Variants in PPP1R14C observed in about 807,000 individuals in gnomAD.
PPP1R14C encodes protein phosphatase 1 regulatory inhibitor subunit 14C.
In PPP1R14C, 16 loss-of-function variants were observed where a neutral mutation model predicts 20.4. The ratio of observed to expected loss-of-function variants is 0.78; its 90% CI spans 0.53 to 1.19. The LOEUF is 1.19. Among genes scored for constraint, PPP1R14C ranks in the 50% most tolerant of loss-of-function variants. PPP1R14C has a pLI of 0.00. For missense variants in PPP1R14C, 211 were observed against 220.1 expected (o/e 0.96, Z 0.26); for synonymous variants, 91 against 91.0 (o/e 1.00, Z 0.00).
chr6:150,174,516 G>A (rs1055768666), intron 1 of PPP1R14C, among the ~76,000 whole-genome samples: 1 of 151,600 alleles, frequency 6.6e-6, no homozygotes, highest in Non-Finnish European at 1.5e-5. Context: ...ACGCCTGGCC[G>A]TGTGTGCATT....
At position 150,216,853 on chromosome 6, in the gene PPP1R14C, A is replaced by C. The variant is rs142300425; in HGVS notation, c.420A>C (p.Thr140=). 86 of 1,602,942 alleles carry C rather than the reference A, an allele frequency of 5.4e-5. No individual in the cohort carries two copies. In the African/African-American group the frequency reaches 1.1e-3, roughly 21 times the overall value. Residue 140 remains threonine, a synonymous_variant, in exon 3 of 4, where the codon ACA becomes ACC. Coordinates refer to ENST00000361131, the MANE Select transcript of PPP1R14C (RefSeq NM_030949.3). The part of the protein sequence containing the change: ...QEALVDCYKP[T]EEFIKELLSR... ...CTCTTGTAGACTGCTACAAACCAAC[A>C]GAGGTAAGCAAATCACTTTTCCTAA...
intron 1 of PPP1R14C, among the ~76,000 whole-genome samples, chr6:150,167,976 T>A: frequency 6.9e-6 from 1 of 144,688 alleles, no homozygotes; most frequent in Admixed American, 6.9e-5. Flanking sequence ...CTTTCTCTCC[T>A]TCTCTCCTCC....
At chr6:150,146,945 C>T (rs748855958) in intron 1 of PPP1R14C, among the ~76,000 whole-genome samples, 14 of 152,174 alleles carry the variant, frequency 9.2e-5, no homozygotes, top group East Asian at 1.9e-4. Flanking sequence ...CTTTTGAATA[C>T]GTAGATAAGT....
At chr6:150,205,303 C>T (rs1055170287) in intron 1 of PPP1R14C, among the ~76,000 whole-genome samples, 1 of 152,162 alleles carries the variant, frequency 6.6e-6, no homozygotes, top group South Asian at 2.1e-4. Context: ...CTGGGACCAA[C>T]AGCCCCTGGG....
intron 3 of PPP1R14C, among the ~76,000 whole-genome samples, chr6:150,239,846 A>G (rs749529941): frequency 2.6e-5 from 4 of 152,216 alleles, no homozygotes; most frequent in African/African-American, 4.8e-5. Flanking sequence ...TGGGGTCAGG[A>G]GTTTAAGACC....
At chr6:150,156,897 T>C (rs986565191) in intron 1 of PPP1R14C, among the ~76,000 whole-genome samples, 3 of 152,238 alleles carry the variant, frequency 2.0e-5, no homozygotes, top group Non-Finnish European at 4.4e-5. Flanking sequence ...ATTTAGATAA[T>C]GAAAACTTGT....
In PPP1R14C at chr6:150,201,859, T is replaced by C. The variant is rs1214586946; in HGVS notation, c.307-12885T>C. ...TTGACAGTTATGGTGATGGATTGGA[T>C]GGTGGCGACAGGGAGAGGAGGGGTC... On this transcript the variant is annotated intron_variant, in intron 1 of 3. Transcript: ENST00000361131. This position sits in a 1 kb window ranked among gnomAD's most constrained non-coding sequence, Gnocchi z 4.2. 6.6e-6 allele frequency among the ~76,000 whole-genome samples: 1 copy of C among 152,106 alleles called. No homozygotes were observed. The highest frequency in any genetic ancestry group is 2.4e-5 in the African/African-American group (1 of 41,408).
chr6:150,165,754 CA>C (rs1777415401), intron 1 of PPP1R14C, among the ~76,000 whole-genome samples: 1 of 152,142 alleles, frequency 6.6e-6, no homozygotes, highest in African/African-American at 2.4e-5. Flanking sequence ...CCTAGATAAA[CA>C]GGCAACAGGC....
At chr6:150,150,086 T>C (rs914357353) in intron 1 of PPP1R14C, among the ~76,000 whole-genome samples, 4 of 152,240 alleles carry the variant, frequency 2.6e-5, no homozygotes, top group Non-Finnish European at 5.9e-5. Flanking sequence ...GGATCAATGT[T>C]CAGCAAATGT....
rs543562273 is a variant in PPP1R14C at position 150,154,234 on chromosome 6, G to A, written c.306+10736G>A. 2.6e-5 allele frequency among the ~76,000 whole-genome samples: 4 copies of A among 152,340 alleles called. No individual in the cohort carries two copies. In the East Asian group the frequency reaches 7.7e-4, roughly 29 times the overall value. ...ATAGGAAGTCAGATCTTAAGTAAGA[G>A]AAAGTAATCTCTTAAGGGCTGGGCT... On this transcript the variant is annotated intron_variant, in intron 1 of 3. Transcript: ENST00000361131.
chr6:150,173,216 A>G (rs952456924), intron 1 of PPP1R14C, among the ~76,000 whole-genome samples: 4 of 152,068 alleles, frequency 2.6e-5, no homozygotes, highest in Non-Finnish European at 4.4e-5. Flanking sequence ...TTTTCCACGA[A>G]TGCCCTGTCT....
chr6:150,222,216 C>CT lies in PPP1R14C; in HGVS notation c.423+5368dup, dbSNP rs200194343. ...CATCTCATGTATTAACAGATTTAAT[C>CT]TTTTTTTTCAGAAAAATCTTGACAT... is the stretch of plus-strand genomic sequence containing the variant. On this transcript the variant is annotated intron_variant, in intron 3 of 3. Transcript: ENST00000361131. Among the ~76,000 whole-genome samples the CT allele has an allele frequency of 2.1e-3, 283 of 133,696 alleles. 1 individual carries two copies. Among genetic ancestry groups the CT allele is most frequent in the African/African-American group, 7.5e-3 (226 of 30,040 alleles). 87.7% of individuals were successfully genotyped at this position (133,696 alleles called of 152,430 possible).
chr6:150,231,525 CT>C (rs1396111348), intron 3 of PPP1R14C, among the ~76,000 whole-genome samples: 5 of 152,212 alleles, frequency 3.3e-5, no homozygotes, highest in African/African-American at 1.2e-4. Flanking sequence ...TCTCCTCTCT[CT>C]TTTTCTTCAC....
chr6:150,216,994 T>A, intron 3 of PPP1R14C, 138 bp downstream of exon 3: 1 of 625,510 alleles, frequency 1.6e-6, no homozygotes, highest in Non-Finnish European at 2.8e-6. Context: ...TGAGTGCATA[T>A]GTTTGAATAG....
At chr6:150,243,130 G>T (rs1315500097) in intron 3 of PPP1R14C, among the ~76,000 whole-genome samples, 1 of 150,764 alleles carries the variant, frequency 6.6e-6, no homozygotes, top group South Asian at 2.1e-4. Flanking sequence ...GGCAATCTCA[G>T]TCAAAACCCC....
intron 1 of PPP1R14C, among the ~76,000 whole-genome samples, chr6:150,202,645 C>G (rs1238117075): frequency 6.6e-6 from 1 of 152,312 alleles, no homozygotes; most frequent in Middle Eastern, 3.4e-3. Context: ...TCCCACACAG[C>G]CTGGCCTGGT....
At chr6:150,174,100 AG>A (rs1777530631) in intron 1 of PPP1R14C, among the ~76,000 whole-genome samples, 1 of 144,270 alleles carries the variant, frequency 6.9e-6, no homozygotes, top group Admixed American at 7.3e-5. Context: ...ATGCTTTGAT[AG>A]GTGCATACGT....
rs141245925 is a variant in PPP1R14C at position 150,201,216 on chromosome 6, C to T, written c.307-13528C>T. 1.2e-3 allele frequency among the ~76,000 whole-genome samples: 186 copies of T among 152,300 alleles called. No homozygotes were observed. Among genetic ancestry groups the T allele is most frequent in the Non-Finnish European group, 2.3e-3 (156 of 68,030 alleles). On this transcript the variant is annotated intron_variant, in intron 1 of 3. Coordinates refer to ENST00000361131, the MANE Select transcript of PPP1R14C (RefSeq NM_030949.3). This position sits in a 1 kb window ranked among gnomAD's most constrained non-coding sequence, Gnocchi z 4.2. The stretch of plus-strand genomic sequence containing the variant: ...ATGATTATCGGGGTCATGTGTCAGG[C>T]GCTATCCCAGGCACTGCTCTTGGTC...
chr6:150,221,936 C>A (rs1778173180), intron 3 of PPP1R14C, among the ~76,000 whole-genome samples: 1 of 152,110 alleles, frequency 6.6e-6, no homozygotes, highest in African/African-American at 2.4e-5. Context: ...GTAGCTGAGA[C>A]AACAGGTACA....
Sources: allele counts gnomAD v4.1 joint callset (sites outside exome capture counted in the v4.1 genomes callset), GRCh38; gene constraint gnomAD v4.1.1; non-coding constraint Gnocchi (gnomAD v3.1); transcripts MANE v1.5; gene names NCBI Gene and HGNC (gene_info 2026-07-23, HGNC 2026-07-21).